The following SLC35F3 variants were observed in gnomAD, a reference collection of about 807,000 sequenced individuals.
The protein encoded by SLC35F3 is putative thiamine transporter SLC35F3.
Under a neutral mutation model 49.9 loss-of-function variants are expected in SLC35F3, and 25 were observed. That is an observed-to-expected ratio of 0.50 (90% CI 0.37 to 0.70). The LOEUF (loss-of-function observed/expected upper bound fraction) is 0.70. SLC35F3 is among the 30% of genes least tolerant of loss of function. The probability of loss-of-function intolerance (pLI) is 0.00; values close to 1 mark genes in which losing one functional copy is unlikely to be tolerated. For missense variants in SLC35F3, 525 were observed against 639.8 expected (o/e 0.82, Z 1.94); for synonymous variants, 275 against 265.4 (o/e 1.04, Z -0.35).
chr1:233,970,785 C>A (rs961420861), intron 2 of SLC35F3, among the ~76,000 whole-genome samples: 2 of 152,174 alleles, frequency 1.3e-5, no homozygotes, highest in African/African-American at 2.4e-5. Context: ...TCAGAAGAGA[C>A]CAATGCTGCA....
intron 2 of SLC35F3, among the ~76,000 whole-genome samples, chr1:233,998,223 C>T (rs1663493640): frequency 6.6e-6 from 1 of 152,060 alleles, no homozygotes; most frequent in African/African-American, 2.4e-5. Context: ...GTATTCTATC[C>T]TATGAGTATG....
chr1:234,187,211 C>T (rs535305825), intron 2 of SLC35F3, among the ~76,000 whole-genome samples: 2 of 152,344 alleles, frequency 1.3e-5, no homozygotes, highest in East Asian at 3.9e-4. Context: ...CAACCAACCA[C>T]CACACAGCGG....
chr1:233,970,880 G>T (rs568368636), intron 2 of SLC35F3, among the ~76,000 whole-genome samples: 1 of 152,338 alleles, frequency 6.6e-6, no homozygotes, highest in African/African-American at 2.4e-5. Flanking sequence ...GTGGTTCTTT[G>T]TTATGGCAGT....
chr1:234,181,699 T>C (rs1434118785), intron 2 of SLC35F3, among the ~76,000 whole-genome samples: 1 of 152,234 alleles, frequency 6.6e-6, no homozygotes, highest in Non-Finnish European at 1.5e-5. Context: ...TGTTATTTTG[T>C]CCTCCGTATT....
At chr1:234,180,136 G>C (rs930131256) in intron 2 of SLC35F3, among the ~76,000 whole-genome samples, 55 of 152,320 alleles carry the variant, frequency 3.6e-4, no homozygotes, top group African/African-American at 1.3e-3. Flanking sequence ...TGTGGCTCCA[G>C]TTCTGGTGGT....
chr1:234,296,180 C>A (rs750847378), intron 3 of SLC35F3, among the ~76,000 whole-genome samples: 1 of 152,158 alleles, frequency 6.6e-6, no homozygotes, highest in East Asian at 1.9e-4. Flanking sequence ...AAGGTTGACA[C>A]TTTCCTGAGC....
intron 2 of SLC35F3, among the ~76,000 whole-genome samples, chr1:234,089,908 A>T (rs1326642070): frequency 1.3e-5 from 2 of 152,238 alleles, no homozygotes; most frequent in African/African-American, 4.8e-5. Flanking sequence ...AGATAAAAAG[A>T]TATACCAAGA....
chr1:234,109,771 C>T (rs1321690653), intron 2 of SLC35F3, among the ~76,000 whole-genome samples: 2 of 152,130 alleles, frequency 1.3e-5, no homozygotes, highest in Non-Finnish European at 2.9e-5. Context: ...GTGGACCATG[C>T]TCTGGGTGTT....
Position 234,322,916 on chromosome 1 carries a change from G to A in SLC35F3, c.1238-92G>A, listed in dbSNP as rs1657660411. Reference sequence around the variant, plus strand: ...TCCAGGGAAGACCACAACACTGCCAGACAGAGGAGGGTGCCCCCAGGCCCT... The same window carrying A: ...TCCAGGGAAGACCACAACACTGCCAAACAGAGGAGGGTGCCCCCAGGCCCT... On this transcript the variant is annotated intron_variant, in intron 7 of 7. Transcript: ENST00000366618. The A allele has an allele frequency of 3.0e-5, 31 of 1,040,370 alleles. No individual in the cohort carries two copies. The South Asian group carries it at 4.0e-4, about 14-fold the overall frequency. 64.4% of individuals were successfully genotyped at this position (1,040,370 alleles called of 1,614,324 possible). A position where few individuals can be genotyped will look rare whatever the true frequency, so the allele number is the denominator to read the frequency against.
intron 2 of SLC35F3, among the ~76,000 whole-genome samples, chr1:234,198,269 T>C (rs1466551734): frequency 3.9e-5 from 6 of 152,232 alleles, no homozygotes; most frequent in Non-Finnish European, 1.5e-5. Context: ...ATGAAACATT[T>C]CCTAGGAAAA....
intron 2 of SLC35F3, among the ~76,000 whole-genome samples, chr1:233,932,169 A>C (rs1465544222): frequency 3.9e-5 from 6 of 152,152 alleles, no homozygotes; most frequent in Admixed American, 3.9e-4. Flanking sequence ...TAGGAGAGGG[A>C]GAGCATTAGG....
intron 2 of SLC35F3, among the ~76,000 whole-genome samples, chr1:234,053,541 A>C (rs1435988583): frequency 6.6e-6 from 1 of 152,014 alleles, no homozygotes; most frequent in East Asian, 1.9e-4. Flanking sequence ...GTGTCTCTGC[A>C]TGTGAGATGG....
rs994380989 is a variant in SLC35F3 at position 234,049,247 on chromosome 1, A to G, written c.283+143489A>G. On this transcript the variant is annotated intron_variant, in intron 2 of 7. Transcript: ENST00000366618. ...CCCCACCCCAATACATATGTAAATAATTAAGGTTAAATTATGTAATAAGAG... is the reference window on the plus strand; with the variant it reads ...CCCCACCCCAATACATATGTAAATAGTTAAGGTTAAATTATGTAATAAGAG... Among the ~76,000 whole-genome samples the G allele has an allele frequency of 6.6e-5, 10 of 152,164 alleles. No individual in the cohort carries two copies. The South Asian group carries it at 2.1e-3, about 32-fold the overall frequency.
chr1:233,932,651 A>G (rs1349945459), intron 2 of SLC35F3, among the ~76,000 whole-genome samples: 1 of 152,174 alleles, frequency 6.6e-6, no homozygotes, highest in African/African-American at 2.4e-5. Context: ...AATCTCTTAA[A>G]AAGGTGGTAT....
chr1:234,003,596 T>A (rs1663584843), intron 2 of SLC35F3, among the ~76,000 whole-genome samples: 1 of 152,154 alleles, frequency 6.6e-6, no homozygotes, highest in Admixed American at 6.5e-5. Flanking sequence ...AGGGACAGCT[T>A]CTTAAACAGA....
chr1:233,945,117 AT>A (rs557570910), intron 2 of SLC35F3, among the ~76,000 whole-genome samples: 50 of 151,988 alleles, frequency 3.3e-4, no homozygotes, highest in Admixed American at 2.7e-3. Flanking sequence ...GGAGAAGAGA[AT>A]TTTCATTCGG....
intron 3 of SLC35F3, among the ~76,000 whole-genome samples, chr1:234,258,313 C>T (rs77749487): frequency 3.6e-4 from 55 of 152,288 alleles, no homozygotes; most frequent in Non-Finnish European, 7.1e-4. Flanking sequence ...ATATGAGTCA[C>T]AGGTCCAGGT....
chr1:234,229,885 G>T (rs1234447321), intron 2 of SLC35F3, among the ~76,000 whole-genome samples: 1 of 152,186 alleles, frequency 6.6e-6, no homozygotes, highest in Non-Finnish European at 1.5e-5. Flanking sequence ...AGAGATCCTG[G>T]TAGGAGGGCA....
chr1:234,221,344 G>A (rs1288675033), intron 2 of SLC35F3, among the ~76,000 whole-genome samples: 1 of 152,190 alleles, frequency 6.6e-6, no homozygotes, highest in Non-Finnish European at 1.5e-5. Flanking sequence ...AAAGAAAGAT[G>A]ATTGATGCAA....
Sources: gnomAD v4.1 joint callset for allele counts (sites outside exome capture counted in the v4.1 genomes callset) on GRCh38, gnomAD v4.1.1 for gene constraint, MANE v1.5 for transcripts, NCBI Gene and HGNC (gene_info 2026-07-23, HGNC 2026-07-21) for gene names.